PEX1: variants seen among roughly 807,000 people sequenced by gnomAD.
The protein encoded by PEX1 is peroxisomal biogenesis factor 1.
PEX1 carries 97 observed loss-of-function variants against 152.5 expected under a neutral mutation model. That is an observed-to-expected ratio of 0.64 (90% confidence interval 0.54 to 0.75). The LOEUF (loss-of-function observed/expected upper bound fraction) is 0.75. Among genes scored for constraint, PEX1 ranks in the 30% least tolerant of loss-of-function variants. PEX1 has a pLI of 0.00. For synonymous variants in PEX1, 485 were observed against 531.6 expected, an observed-to-expected ratio of 0.91 and a Z score of 1.21; for missense variants, 1,357 against 1,516.3, an observed-to-expected ratio of 0.89 and a Z score of 1.74.
intron 12 of PEX1, among the ~76,000 whole-genome samples, chr7:92,504,372 C>T (rs368362934): frequency 1.4e-4 from 22 of 152,152 alleles, no homozygotes; most frequent in African/African-American, 5.1e-4. Flanking sequence ...TATCGTTCTG[C>T]GCTAATACTG....
At position 92,489,916 on chromosome 7, in the gene PEX1, A is replaced by G. The variant is rs1483920015; in HGVS notation, c.3439-5T>C. 7.4e-6 allele frequency: 12 copies of G among 1,612,238 alleles called. No homozygotes were observed. The highest frequency in any genetic ancestry group is 1.0e-5 in the Non-Finnish European group (12 of 1,178,432). On this transcript the variant is annotated splice_region_variant and splice_polypyrimidine_tract_variant and intron_variant, in intron 21 of 23. Transcript: ENST00000248633. ...TGCAGAGAGACATTGTGAGCTCTGC[A>G]TGGTAAATTGTAGTAATGAAAGATG...
At chr7:92,519,140 A>G in intron 2 of PEX1, 62 bp from the exon 3 acceptor site, 1 of 908,072 alleles carries the variant, frequency 1.1e-6, no homozygotes, top group East Asian at 2.6e-5. Context: ...TATATTAGAA[A>G]ATAAGAAGTT....
At chr7:92,506,531 C>T (rs1489441208) in intron 10 of PEX1, 187 bp from the exon 11 acceptor site, 4 of 591,352 alleles carry the variant, frequency 6.8e-6, no homozygotes, top group Non-Finnish European at 1.2e-5. Context: ...CAAAACCAGA[C>T]AAAGACAACA....
At position 92,493,039 on chromosome 7, in the gene PEX1, A is replaced by G; in HGVS notation, c.3121T>C (p.Ser1041Pro). 1 of 1,611,880 alleles carries G rather than the reference A, an allele frequency of 6.2e-7. No homozygotes were observed. Among genetic ancestry groups the G allele is most frequent in the Non-Finnish European group, 8.5e-7 (1 of 1,177,904 alleles). ...GCTTTCAGATCAGCTCCAGTAAAGG[A>G]GTCAGTTACTGATGCTACATGCTGA... ...DLQHVASVTD[S>P]FTGADLKALL... is the part of the protein sequence containing the mutation. The change falls in exon 20 of 24, where the codon TCC becomes CCC. Residue 1041 changes from serine (S) to proline (P), a missense_variant. Coordinates refer to ENST00000248633, the MANE Select transcript of PEX1 (RefSeq NM_000466.3).
At position 92,506,315 on chromosome 7, in the gene PEX1, T is replaced by G. The variant is rs2116176396; in HGVS notation, c.1833A>C (p.Ala611=). ...KGSGKSTLAK[A]ICKEAFDKLD... ...GTTTGTCAAATGCTTCTTTACAGAT[T>G]GCTTTGGCTAAAGTTGATTTTCCAC... The change falls in exon 11 of 24, where the codon GCA becomes GCC. Residue 611 remains alanine, a synonymous_variant. Coordinates refer to ENST00000248633, the MANE Select transcript of PEX1 (RefSeq NM_000466.3). 1 of 1,611,262 alleles carries G rather than the reference T, an allele frequency of 6.2e-7. No individual in the cohort carries two copies. The highest frequency in any genetic ancestry group is 8.5e-7 in the Non-Finnish European group (1 of 1,177,508).
At chr7:92,500,666 T>G (rs1791883807) in intron 15 of PEX1, among the ~76,000 whole-genome samples, 1 of 152,102 alleles carries the variant, frequency 6.6e-6, no homozygotes, top group African/African-American at 2.4e-5. Flanking sequence ...TCCCAGGAGT[T>G]GCCATGCAGC....
chr7:92,505,176 C>G (rs1381452793), intron 11 of PEX1, among the ~76,000 whole-genome samples: 3 of 152,004 alleles, frequency 2.0e-5, no homozygotes, highest in African/African-American at 7.2e-5. Context: ...TTTGGGAAAC[C>G]AAGGCAGGCA....
chr7:92,518,306 A>G (rs765582126), intron 3 of PEX1, 51 bp from the exon 4 acceptor site: 2 of 1,111,590 alleles, frequency 1.8e-6, no homozygotes, highest in South Asian at 1.3e-5. Flanking sequence ...TGTCCACTCC[A>G]TATCTAGTTA....
In PEX1 at chr7:92,517,322, A is replaced by T. The variant is rs775546711; in HGVS notation, c.1193T>A (p.Ile398Asn). Reference protein sequence around the residue: ...WNGLEELNNAIKYTKNVEVLH... With the variant: ...WNGLEELNNANKYTKNVEVLH... The stretch of plus-strand genomic sequence containing the variant: ...AACTTCTACATTTTTGGTATATTTG[A>T]TGGCATTGTTCAATTCTTCAAGTCC... Residue 398 changes from isoleucine (I) to asparagine (N), a missense_variant, in exon 5 of 24, where the codon ATC becomes AAC. By Grantham distance (149) the Ile-to-Asn change is moderately radical. Coordinates refer to ENST00000248633, the MANE Select transcript of PEX1 (RefSeq NM_000466.3). 16 of 1,613,706 alleles carry T rather than the reference A, an allele frequency of 9.9e-6. No individual in the cohort carries two copies. The Admixed American group carries it at 1.5e-4, about 15-fold the overall frequency.
rs747350831 is a variant in PEX1, at chr7:92,499,700, A to C, written c.2718+4T>G. 37 of 1,609,302 alleles carry C rather than the reference A, an allele frequency of 2.3e-5. No individual in the cohort carries two copies. In the South Asian group the frequency reaches 3.8e-4, roughly 17 times the overall value. On this transcript the variant is annotated splice_donor_region_variant and intron_variant, in intron 16 of 23. Transcript: ENST00000248633. The stretch of plus-strand genomic sequence containing the variant: ...TAAAAAAAGAAGATAAGTAGACAAC[A>C]TACCTTGACACTTATAAAATTCATT...
chr7:92,491,182 T>TG, intron 21 of PEX1, 90 bp downstream of exon 21: 1 of 862,084 alleles, frequency 1.2e-6, no homozygotes, highest in Non-Finnish European at 2.0e-6. Flanking sequence ...GAAGAATATG[T>TG]GGGGCTGGTT....
In PEX1 at chr7:92,496,159, T is replaced by C. The variant is rs140430384; in HGVS notation, c.2783+554A>G. On this transcript the variant is annotated intron_variant, in intron 17 of 23. Transcript: ENST00000248633. Reference sequence around the variant, plus strand: ...TATTTTATGTATATTCTCTTAACTGTATACTTTATAATAAAATTTTTGGAA... The same window carrying C: ...TATTTTATGTATATTCTCTTAACTGCATACTTTATAATAAAATTTTTGGAA... 8.0e-3 allele frequency among the ~76,000 whole-genome samples: 1,217 copies of C among 152,276 alleles called. 20 individuals are homozygous for C. The highest frequency in any genetic ancestry group is 0.028 in the African/African-American group (1,154 of 41,592).
At chr7:92,518,934 A>C (rs983315753) in intron 3 of PEX1, 61 bp downstream of exon 3, 9 of 1,134,616 alleles carry the variant, frequency 7.9e-6, no homozygotes, top group Admixed American at 1.7e-5. Context: ...AAAGCTAAAG[A>C]CATTGATATT....
intron 5 of PEX1, among the ~76,000 whole-genome samples, chr7:92,516,647 T>C (rs1437986259): frequency 6.6e-6 from 1 of 152,186 alleles, no homozygotes; most frequent in Non-Finnish European, 1.5e-5. Context: ...TTCCAATAAA[T>C]GGACTAGTGA....
Position 92,489,735 on chromosome 7 carries a change from G to T in PEX1, c.3615C>A (p.Gly1205=), listed in dbSNP as rs1011889799. The change falls in exon 22 of 24, where the codon GGC becomes GGA. Residue 1205 remains glycine, a synonymous_variant. Coordinates refer to ENST00000248633, the MANE Select transcript of PEX1 (RefSeq NM_000466.3). ...ATACTCCACTTTGGCTCCGGTATCT[G>T]CCTTTGATAATACTGATATCTGCCC... ...QLRADISIIK[G]RYRSQSGEDE... 1 of 1,613,912 alleles carries T rather than the reference G, an allele frequency of 6.2e-7. No individual in the cohort carries two copies. Among genetic ancestry groups the T allele is most frequent in the African/African-American group, 1.3e-5 (1 of 74,926 alleles).
In PEX1 at chr7:92,504,775, A is replaced by G. The variant is rs774256047; in HGVS notation, c.2028T>C (p.His676=). ...TCTGCACCGCATCAGGACTGTGCTC[A>G]TGTTCCGGGACAGCAGGCAGTCCAG... is the stretch of plus-strand genomic sequence containing the variant. ...LIAGLPAVPE[H]EHSPDAVQSQ... The change falls in exon 12 of 24, where the codon CAT becomes CAC. Residue 676 remains histidine (H), a synonymous_variant. Coordinates refer to ENST00000248633, the MANE Select transcript of PEX1 (RefSeq NM_000466.3). The G allele has an allele frequency of 1.2e-5, 19 of 1,614,078 alleles. No homozygotes were observed. The Admixed American group carries it at 3.0e-4, about 25-fold the overall frequency.
intron 20 of PEX1, among the ~76,000 whole-genome samples, chr7:92,492,391 A>G (rs971217132): frequency 1.3e-5 from 2 of 152,186 alleles, no homozygotes; most frequent in African/African-American, 4.8e-5. Flanking sequence ...TTTGGTCTCA[A>G]ACTAGGCCCA....
In PEX1 at chr7:92,489,823, A is replaced by G; in HGVS notation, c.3527T>C (p.Val1176Ala). The G allele has an allele frequency of 6.2e-7, 1 of 1,614,028 alleles. No individual in the cohort carries two copies. The highest frequency in any genetic ancestry group is 1.1e-5 in the South Asian group (1 of 91,074). ...GKDQLFSQPP[V>A]LRTASQEGCQ... is the part of the protein sequence containing the mutation. ...ACCCTCTTGTGAAGCTGTCCTTAAC[A>G]CTGGAGGCTGTGAAAACAACTGGTC... Residue 1176 changes from valine (V) to alanine (A), a missense_variant, in exon 22 of 24, where the codon GTG (valine) becomes GCG (alanine). Val to Ala is a moderately conservative substitution (Grantham distance 64). Transcript: ENST00000248633.
At chr7:92,514,701 T>C (rs989094572) in intron 5 of PEX1, among the ~76,000 whole-genome samples, 5 of 152,150 alleles carry the variant, frequency 3.3e-5, no homozygotes, top group African/African-American at 9.6e-5. Flanking sequence ...ACTTAGATTG[T>C]GGTGATGGCT....
Sources: gnomAD v4.1 joint callset for allele counts (sites outside exome capture counted in the v4.1 genomes callset) on GRCh38, gnomAD v4.1.1 for gene constraint, MANE v1.5 for transcripts, NCBI Gene and HGNC (gene_info 2026-07-23, HGNC 2026-07-21) for gene names.